The following TNS1 variants were observed in gnomAD, a reference collection of about 807,000 sequenced individuals.
TNS1 encodes the protein tensin-1.
In TNS1, 62 loss-of-function variants were observed where a neutral mutation model predicts 168.6. The ratio of observed to expected loss-of-function variants is 0.37; its 90% confidence interval spans 0.30 to 0.45. The LOEUF is 0.45. Among genes scored for constraint, TNS1 ranks in the 20% least tolerant of loss-of-function variants. The pLI, the probability that TNS1 is intolerant of heterozygous loss-of-function variation, is 1.00. For missense variants in TNS1, 2,240 were observed against 2,339.4 expected, an observed-to-expected ratio of 0.96 and a Z score of 0.88; for synonymous variants, 934 against 933.2, an observed-to-expected ratio of 1.00 and a Z score of -0.02.
rs1937637856 is a variant in TNS1, at chr2:217,802,703, T to C, written c.*1756A>G. Reference sequence around the variant, plus strand: ...CTTTACTTACACATATAAAAAAGGATAGGAATTGGTTTATCCCCAAGGAAG... The same window carrying C: ...CTTTACTTACACATATAAAAAAGGACAGGAATTGGTTTATCCCCAAGGAAG... On this transcript the variant is annotated 3_prime_UTR_variant, in exon 33 of 33. Transcript: ENST00000682258. 1 of 152,590 alleles carries C rather than the reference T, an allele frequency of 6.6e-6. No homozygotes were observed. Among genetic ancestry groups the C allele is most frequent in the Non-Finnish European group, 1.5e-5 (1 of 68,034 alleles). The allele number at this position is 152,590 out of a possible 1,614,324, so 9.5% of individuals were successfully genotyped here.
At position 217,817,831 on chromosome 2, in the gene TNS1, G is replaced by C; in HGVS notation, c.4501C>G (p.Arg1501Gly). The stretch of plus-strand genomic sequence containing the variant: ...GCATAGTTGGGGAGGCTGCCTGCCC[G>C]GTCTCCCACTGACATCCTTCGCTTC... ...PEKRRMSVGD[R>G]AGSLPNYATI... is the part of the protein sequence containing the mutation. Residue 1501 changes from arginine (R) to glycine (G), a missense_variant, in exon 24 of 33, where the codon CGG (arginine) becomes GGG (glycine). Around this residue, in one of 2 missense-constraint regions of TNS1, gnomAD observed 2,131 missense variants for 2,171.2 expected, o/e 0.98. Transcript: ENST00000682258. 1 of 1,614,206 alleles carries C rather than the reference G, an allele frequency of 6.2e-7. No individual in the cohort carries two copies. The highest frequency in any genetic ancestry group is 8.5e-7 in the Non-Finnish European group (1 of 1,180,038).
chr2:217,965,830 C>G (rs1433955526), intron 3 of TNS1, among the ~76,000 whole-genome samples: 1 of 152,106 alleles, frequency 6.6e-6, no homozygotes, highest in Non-Finnish European at 1.5e-5. Flanking sequence ...CAGGGGTCTC[C>G]TCCCACCTCA....
intron 18 of TNS1, among the ~76,000 whole-genome samples, chr2:217,874,423 A>G (rs1950043841): frequency 6.6e-6 from 1 of 152,140 alleles, no homozygotes; most frequent in African/African-American, 2.4e-5. Context: ...CATCCTCAAC[A>G]TTGTTAGGGC....
intron 3 of TNS1, among the ~76,000 whole-genome samples, chr2:217,954,172 G>A (rs533481174): frequency 5.3e-5 from 8 of 152,312 alleles, no homozygotes; most frequent in East Asian, 3.9e-4. Flanking sequence ...AGGCAGTGCC[G>A]CATGTGGAAG....
intron 18 of TNS1, among the ~76,000 whole-genome samples, chr2:217,867,799 C>T (rs556433964): frequency 1.6e-4 from 24 of 152,358 alleles, no homozygotes; most frequent in African/African-American, 5.0e-4. Flanking sequence ...AGCTTCTGTG[C>T]CTCTTTCAAG....
At chr2:217,876,464 A>C (rs1279584289) in intron 18 of TNS1, among the ~76,000 whole-genome samples, 2 of 152,130 alleles carry the variant, frequency 1.3e-5, no homozygotes, top group Non-Finnish European at 2.9e-5. Context: ...AGGTGCCCGC[A>C]AGGAGGGAAC....
At chr2:217,861,800 A>T (rs77569981) in intron 18 of TNS1, among the ~76,000 whole-genome samples, 1 of 152,246 alleles carries the variant, frequency 6.6e-6, no homozygotes, top group East Asian at 1.9e-4. Context: ...AAAGGACAGA[A>T]CACGAGTAGT....
At position 217,848,367 on chromosome 2, in the gene TNS1, T is replaced by C. The variant is rs148052560; in HGVS notation, c.2150A>G (p.Gln717Arg). 16 of 1,542,620 alleles carry C rather than the reference T, an allele frequency of 1.0e-5. No homozygotes were observed. In the African/African-American group the frequency reaches 1.9e-4, roughly 18 times the overall value. Residue 717 changes from glutamine to arginine, a missense_variant, in exon 19 of 33, where the codon CAG (glutamine) becomes CGG (arginine). Coordinates refer to ENST00000682258, the MANE Select transcript of TNS1 (RefSeq NM_001387777.1). Reference protein sequence around the residue: ...YSAQEGLAGYQREGPHPAWPQ... With the variant: ...YSAQEGLAGYRREGPHPAWPQ... ...CCAGGCTGGGTGGGGCCCCTCCCTC[T>C]GGTAGCCAGCTAAACCCTCCTGTGC...
intron 18 of TNS1, among the ~76,000 whole-genome samples, chr2:217,869,986 C>A (rs1020861690): frequency 6.6e-6 from 1 of 152,240 alleles, no homozygotes; most frequent in Non-Finnish European, 1.5e-5. Flanking sequence ...CCCACCCCAC[C>A]GCAGTGACCA....
chr2:217,898,243 T>C (rs1301114002), intron 7 of TNS1, among the ~76,000 whole-genome samples: 3 of 152,220 alleles, frequency 2.0e-5, no homozygotes, highest in African/African-American at 7.2e-5. Context: ...TTGGTTCCCA[T>C]CAGTCCTTTG....
At chr2:217,821,555 A>G (rs1942847591) in intron 23 of TNS1, among the ~76,000 whole-genome samples, 185 bp downstream of exon 23, 1 of 152,214 alleles carries the variant, frequency 6.6e-6, no homozygotes, top group African/African-American at 2.4e-5. Context: ...GGCTCCCCAC[A>G]GGATTCAGCG....
In TNS1 at chr2:217,986,874, T is replaced by A. The variant is rs1337823756; in HGVS notation, c.148+4068A>T. On this transcript the variant is annotated intron_variant, in intron 2 of 32. Transcript: ENST00000682258. The surrounding 1 kb of genome is among the most constrained non-coding windows in gnomAD (Gnocchi z 4.7). ...CTCAGCACCAGGACCTGGCACAGCA[T>A]CTGACCCAGAGGACAGCTCAGTTCA... The A allele has an allele frequency of 2.0e-5, 3 of 152,230 alleles. No individual in the cohort carries two copies. The allele number at this position is 152,230 out of a possible 1,614,324, so 9.4% of individuals were successfully genotyped here. A position where few individuals can be genotyped will look rare whatever the true frequency, so the allele number is the denominator to read the frequency against.
upstream of TNS1, among the ~76,000 whole-genome samples, chr2:218,014,632 G>A (rs1226844355): frequency 6.6e-6 from 1 of 152,140 alleles, no homozygotes; most frequent in East Asian, 1.9e-4. Flanking sequence ...CGATTGCTTT[G>A]AGCCTCAAAT....
chr2:217,880,915 C>T lies in TNS1; in HGVS notation c.1412G>A (p.Arg471Gln), dbSNP rs749360659. 64 of 1,613,830 alleles carry T rather than the reference C, an allele frequency of 4.0e-5. No homozygotes were observed. Among genetic ancestry groups the T allele is most frequent in the Non-Finnish European group, 4.9e-5 (58 of 1,179,894 alleles). ...CCACCTACCCTCCATGCCGTCATCT[C>T]GATGCCCACTGAAGTTGTCGTAGGA... is the stretch of plus-strand genomic sequence containing the variant. ...WDSYDNFSGH[R>Q]DDGMEEVVGH... Residue 471 changes from arginine to glutamine, a missense_variant, in exon 18 of 33, where the codon CGA becomes CAA. Physicochemically the swap from Arg to Gln is conservative, Grantham distance 43. Around this residue, in one of 2 missense-constraint regions of TNS1, gnomAD observed 2,131 missense variants for 2,171.2 expected, o/e 0.98. Transcript: ENST00000682258. The surrounding 1 kb of genome is among the most constrained non-coding windows in gnomAD (Gnocchi z 4.2).
intron 1 of TNS1, among the ~76,000 whole-genome samples, chr2:218,031,055 T>TGC (rs1958888856): frequency 1.3e-5 from 2 of 148,658 alleles, no homozygotes; most frequent in African/African-American, 5.1e-5. Context: ...CATGTGAGCA[T>TGC]ATGTGTGAGT....
chr2:217,875,832 G>C (rs1287222708), intron 18 of TNS1, among the ~76,000 whole-genome samples: 2 of 152,188 alleles, frequency 1.3e-5, no homozygotes, highest in African/African-American at 4.8e-5. Flanking sequence ...GGGCTGAGAA[G>C]CTTGGGCACA....
chr2:217,978,800 A>C lies in TNS1; in HGVS notation c.151T>G (p.Cys51Gly). 2 of 702,252 alleles carry C rather than the reference A, an allele frequency of 2.8e-6. No individual in the cohort carries two copies. The highest frequency in any genetic ancestry group is 5.2e-6 in the Non-Finnish European group (2 of 384,536). The allele number at this position is 702,252 out of a possible 1,614,324, so 43.5% of individuals were successfully genotyped here. A position where few individuals can be genotyped will look rare whatever the true frequency, so the allele number is the denominator to read the frequency against. ...CATTTCCGATGACAGGAGAAGCTGC[A>C]GACTGCAAGAGGGCGAGACACAGAA... ...ITQEGCTCKV[C>G]SFSCHRKCQA... Residue 51 changes from cysteine (C) to glycine (G), a missense_variant and splice_region_variant, in exon 3 of 33, where the codon TGC becomes GGC. This residue lies in a region of TNS1 where 2,131 missense variants were observed against 2,171.2 expected (regional missense o/e 0.98). Transcript: ENST00000682258.
At chr2:217,929,707 C>T (rs1216183712) in intron 3 of TNS1, among the ~76,000 whole-genome samples, 3 of 150,314 alleles carry the variant, frequency 2.0e-5, no homozygotes, top group Admixed American at 6.6e-5. Context: ...ACCCCCCACC[C>T]GCCCCGGCCA....
rs767768746 is a variant in TNS1, at chr2:217,809,910, G to A, written c.5186C>T (p.Thr1729Met). The A allele has an allele frequency of 8.7e-6, 14 of 1,613,478 alleles. No individual in the cohort carries two copies. Among genetic ancestry groups the A allele is most frequent in the Admixed American group, 3.3e-5 (2 of 59,974 alleles). Residue 1729 changes from threonine to methionine, a missense_variant, in exon 30 of 33, where the codon ACG becomes ATG. Thr to Met is a moderately conservative substitution (Grantham distance 81, BLOSUM62 -1). Transcript: ENST00000682258. Reference protein sequence around the residue: ...PQAISKATSETLAADPTPAAT... With the variant: ...PQAISKATSEMLAADPTPAAT... ...AGCTGGCGTGGGGTCTGCAGCCAAC[G>A]TCTCAGATGTGGCTTTAGAGATGGC... is the stretch of plus-strand genomic sequence containing the variant.
Sources: gnomAD v4.1 joint callset for allele counts (sites outside exome capture counted in the v4.1 genomes callset) on GRCh38, gnomAD v4.1.1 for gene constraint, gnomAD v4.1.1 regional missense constraint, Gnocchi (gnomAD v3.1) non-coding constraint, MANE v1.5 for transcripts, NCBI Gene and HGNC (gene_info 2026-07-23, HGNC 2026-07-21) for gene names.